The following ZNF791 variants were observed in gnomAD, a reference collection of about 807,000 sequenced individuals.
The protein encoded by ZNF791 is zinc finger protein 791.
In ZNF791, 4 loss-of-function variants were observed where a neutral mutation model predicts 11.5. The ratio of observed to expected loss-of-function variants is 0.35; its 90% CI spans 0.17 to 0.80. ZNF791 has a LOEUF of 0.80. Ranked by LOEUF, ZNF791 falls within the 30% of genes least tolerant of loss-of-function variation. The probability of loss-of-function intolerance (pLI) is 0.53; values close to 1 mark genes in which losing one functional copy is unlikely to be tolerated. For missense variants in ZNF791, 559 were observed against 699.4 expected (o/e 0.80, Z 2.26); for synonymous variants, 212 against 228.1 (o/e 0.93, Z 0.64).
intron 1 of ZNF791, among the ~76,000 whole-genome samples, chr19:12,617,685 C>A (rs2023265559): frequency 6.7e-6 from 1 of 149,244 alleles, no homozygotes; most frequent in Non-Finnish European, 1.5e-5. Context: ...ATGAAGCATT[C>A]ATGGATTTTA....
In ZNF791 at chr19:12,624,720, A is replaced by T; in HGVS notation, c.191+10A>T. 1 of 1,599,780 alleles carries T rather than the reference A, an allele frequency of 6.3e-7. No individual in the cohort carries two copies. The highest frequency in any genetic ancestry group is 1.7e-5 in the Admixed American group (1 of 58,858). ...AAGGACGAAATCTAAGGTGAGTTGC[A>T]CTCACAAGAAGTAACAGTGTTCCTT... On this transcript the variant is annotated intron_variant, in intron 3 of 3. Transcript: ENST00000343325.
Position 12,633,297 on chromosome 19 carries a change from C to A in ZNF791, c.*4037C>A, listed in dbSNP as rs986240434. 1 of 151,970 alleles carries A rather than the reference C, an allele frequency of 6.6e-6. No homozygotes were observed. The highest frequency in any genetic ancestry group is 2.4e-5 in the African/African-American group (1 of 41,332). 9.4% of individuals were successfully genotyped at this position (151,970 alleles called of 1,614,324 possible). ...TTCAGGAAGGACACCTGTGATAGGACAATAAAATCTAGAGCTGGACGTGGC... is the reference window on the plus strand; with the variant it reads ...TTCAGGAAGGACACCTGTGATAGGAAAATAAAATCTAGAGCTGGACGTGGC... On this transcript the variant is annotated 3_prime_UTR_variant, in exon 4 of 4. Transcript: ENST00000343325.
Position 12,629,268 on chromosome 19 carries a change from A to G in ZNF791, c.*8A>G, listed in dbSNP as rs958173074. 2.1e-6 allele frequency: 3 copies of G among 1,437,648 alleles called. No homozygotes were observed. In the African/African-American group the frequency reaches 4.3e-5, roughly 21 times the overall value. 89.1% of individuals were successfully genotyped at this position (1,437,648 alleles called of 1,614,324 possible). A position where few individuals can be genotyped will look rare whatever the true frequency, so the allele number is the denominator to read the frequency against. ...AGAATGCACAATCGATAGAAACTCT[A>G]TAAATGTGAGAAATAGGAGAAAGTT... On this transcript the variant is annotated 3_prime_UTR_variant, in exon 4 of 4. Transcript: ENST00000343325.
chr19:12,619,559 C>A (rs1408960025), intron 1 of ZNF791, among the ~76,000 whole-genome samples: 1 of 149,858 alleles, frequency 6.7e-6, no homozygotes, highest in Non-Finnish European at 1.5e-5. Context: ...ACGCCATTCT[C>A]CTGCCTCAGC....
At chr19:12,625,312 G>T (rs2023409299) in intron 3 of ZNF791, among the ~76,000 whole-genome samples, 1 of 150,606 alleles carries the variant, frequency 6.6e-6, no homozygotes, top group African/African-American at 2.4e-5. Flanking sequence ...GTAGAGACAG[G>T]GTTTCTCCAT....
chr19:12,618,215 C>T (rs1437292060), intron 1 of ZNF791, among the ~76,000 whole-genome samples: 1 of 152,004 alleles, frequency 6.6e-6, no homozygotes, highest in East Asian at 1.9e-4. Context: ...ACCACGTCCA[C>T]CAACCATCTA....
In ZNF791 at chr19:12,628,807, C is replaced by T; in HGVS notation, c.1278C>T (p.Asn426=). 3.1e-6 allele frequency: 5 copies of T among 1,614,088 alleles called. No individual in the cohort carries two copies. The highest frequency in any genetic ancestry group is 4.2e-6 in the Non-Finnish European group (5 of 1,180,006). ...CAAAAACCTTCATTTCTCTTGAGAA[C>T]TTTCGAAGACACATGATCACCCACA... ...ECAKTFISLE[N]FRRHMITHTG... The change falls in exon 4 of 4, where the codon AAC becomes AAT. Residue 426 remains asparagine, a synonymous_variant. Transcript: ENST00000343325.
chr19:12,620,231 A>G (rs1263951811), intron 1 of ZNF791, among the ~76,000 whole-genome samples: 1 of 151,948 alleles, frequency 6.6e-6, no homozygotes, highest in East Asian at 1.9e-4. Context: ...GCTGGAGTGC[A>G]GTGGTATAGT....
chr19:12,616,378 C>T (rs771499008), intron 1 of ZNF791, among the ~76,000 whole-genome samples: 2 of 152,146 alleles, frequency 1.3e-5, no homozygotes, highest in Non-Finnish European at 2.9e-5. Flanking sequence ...GGATTGCCTG[C>T]ACCCAGGATT....
At chr19:12,611,502 T>C (rs1293889015) in intron 1 of ZNF791, among the ~76,000 whole-genome samples, 1 of 152,184 alleles carries the variant, frequency 6.6e-6, no homozygotes, top group African/African-American at 2.4e-5. Flanking sequence ...TCCCTAGATT[T>C]CCGGATCCCT....
chr19:12,627,824 C>T lies in ZNF791; in HGVS notation c.295C>T (p.Pro99Ser), dbSNP rs746119702. The T allele has an allele frequency of 6.2e-7, 1 of 1,614,116 alleles. No homozygotes were observed. The highest frequency in any genetic ancestry group is 8.5e-7 in the Non-Finnish European group (1 of 1,180,012). The change falls in exon 4 of 4, where the codon CCA becomes TCA. Residue 99 changes from proline (P) to serine (S), a missense_variant. Physicochemically the swap from Pro to Ser is moderately conservative, Grantham distance 74. Coordinates refer to ENST00000343325, the MANE Select transcript of ZNF791 (RefSeq NM_153358.3). The stretch of plus-strand genomic sequence containing the variant: ...GACGAAGAAGACTGCCGGAGTAAAA[C>T]CATATGAGTGTACTATCTGTGGAAA... ...SVTKKTAGVKPYECTICGKAF... is the reference protein window; with the variant it reads ...SVTKKTAGVKSYECTICGKAF...
chr19:12,613,283 A>G (rs2023190017), intron 1 of ZNF791, among the ~76,000 whole-genome samples: 1 of 151,828 alleles, frequency 6.6e-6, no homozygotes, highest in African/African-American at 2.4e-5. Context: ...TTAAGGAACA[A>G]TCCTTAAGAA....
chr19:12,620,754 C>CTTTTTTTTTTTTTTTCTTTT (rs2023327873), intron 1 of ZNF791, among the ~76,000 whole-genome samples: 1 of 83,446 alleles, frequency 1.2e-5, no homozygotes, highest in African/African-American at 5.4e-5. Flanking sequence ...GATTTATGTT[C>CTTTTTTTTTTTTTTTCTTTT]TTTTTTTTTT....
chr19:12,612,639 G>C (rs1259623011), intron 1 of ZNF791, among the ~76,000 whole-genome samples: 2 of 142,710 alleles, frequency 1.4e-5, no homozygotes, highest in Non-Finnish European at 3.0e-5. Flanking sequence ...TTTTTTAGTA[G>C]AGAGTGTTTC....
intron 1 of ZNF791, among the ~76,000 whole-genome samples, chr19:12,614,781 A>G (rs148630110): frequency 1.4e-5 from 2 of 145,002 alleles, no homozygotes; most frequent in African/African-American, 5.1e-5. Context: ...TTTAGTAGAG[A>G]TGGGGTTTCT....
chr19:12,628,891 G>A lies in ZNF791; in HGVS notation c.1362G>A (p.Ala454=), dbSNP rs79380096. Residue 454 remains alanine (A), a synonymous_variant, in exon 4 of 4, where the codon GCG becomes GCA. Transcript: ENST00000343325. ...DCGKVFIFPS[A]LRTHERTHTG... is the part of the protein sequence containing the mutation. ...GGAAGGTGTTCATTTTTCCTAGTGC[G>A]TTACGAACACATGAAAGAACTCACA... 4.4e-4 allele frequency: 702 copies of A among 1,602,204 alleles called. 3 individuals are homozygous for A. In the East Asian group the frequency reaches 0.013, roughly 30 times the overall value.
intron 1 of ZNF791, among the ~76,000 whole-genome samples, chr19:12,616,207 CCA>C: frequency 6.6e-6 from 1 of 152,160 alleles, no homozygotes. Context: ...TGTGTATTTG[CCA>C]TCTGTATATC....
intron 1 of ZNF791, among the ~76,000 whole-genome samples, chr19:12,621,807 G>A (rs559456204): frequency 8.8e-4 from 120 of 137,016 alleles, no homozygotes; most frequent in East Asian, 2.0e-3. Flanking sequence ...CGCCCCGTCC[G>A]GGAGGTGAGG....
chr19:12,610,982 A>G lies in ZNF791; in HGVS notation c.-98A>G, dbSNP rs927983312. 1 of 1,534,198 alleles carries G rather than the reference A, an allele frequency of 6.5e-7. No homozygotes were observed. The highest frequency in any genetic ancestry group is 1.4e-5 in the African/African-American group (1 of 73,334). On this transcript the variant is annotated 5_prime_UTR_variant, in exon 1 of 4. Transcript: ENST00000343325. The stretch of plus-strand genomic sequence containing the variant: ...TAGCTTGGGGTCTCCTGGCCCCTTG[A>G]CGCGTCAGGTTGCTGTACCCCTGCA...
Sources: allele counts gnomAD v4.1 joint callset (sites outside exome capture counted in the v4.1 genomes callset), GRCh38; gene constraint gnomAD v4.1.1; transcripts MANE v1.5; gene names NCBI Gene and HGNC (gene_info 2026-07-23, HGNC 2026-07-21).